KAZN: variants seen among roughly 807,000 people sequenced by gnomAD.
The protein encoded by KAZN is kazrin.
KAZN carries 40 observed loss-of-function variants against 87.4 expected under a neutral mutation model. That is an observed-to-expected ratio of 0.46 (90% CI 0.36 to 0.60). KAZN has a LOEUF of 0.60. Ranked by LOEUF, KAZN falls within the 20% of genes least tolerant of loss-of-function variation. The pLI is 0.00. For synonymous variants in KAZN, 466 were observed against 458.3 expected (o/e 1.02, Z -0.22); for missense variants, 898 against 1,073.9 (o/e 0.84, Z 2.29).
chr1:14,364,144 GC>G (rs1423380249), intron 2 of KAZN, among the ~76,000 whole-genome samples: 1 of 152,056 alleles, frequency 6.6e-6, no homozygotes, highest in Non-Finnish European at 1.5e-5. Context: ...TGGAGGTCAT[GC>G]CCCCGGCACT....
At chr1:14,123,078 A>T in intron 1 of KAZN, among the ~76,000 whole-genome samples, 1 of 152,222 alleles carries the variant, frequency 6.6e-6, no homozygotes, top group East Asian at 1.9e-4. Context: ...AGATCAAACC[A>T]GGTGTTGTCT....
At chr1:14,005,412 C>A (rs1455896675) in intron 1 of KAZN, among the ~76,000 whole-genome samples, 1 of 152,098 alleles carries the variant, frequency 6.6e-6, no homozygotes, top group Non-Finnish European at 1.5e-5. Context: ...CCTTGTATAA[C>A]CAGGTAGAAA....
chr1:14,695,144 C>T (rs1326372005), intron 1 of KAZN, among the ~76,000 whole-genome samples: 1 of 152,242 alleles, frequency 6.6e-6, no homozygotes, highest in Non-Finnish European at 1.5e-5. Context: ...GAACTTTCTA[C>T]TGCAATGATG....
intron 1 of KAZN, among the ~76,000 whole-genome samples, chr1:13,982,263 C>A (rs574144076): frequency 6.6e-6 from 1 of 152,266 alleles, no homozygotes; most frequent in South Asian, 2.1e-4. Flanking sequence ...TTGGTGGGTT[C>A]TTGGTCTCAC....
intron 2 of KAZN, among the ~76,000 whole-genome samples, chr1:14,350,177 A>G (rs892313357): frequency 1.3e-5 from 2 of 151,246 alleles, no homozygotes; most frequent in Non-Finnish European, 2.9e-5. Flanking sequence ...CCTTGGAAGA[A>G]CCCCCAGTCT....
At chr1:14,976,335 G>T (rs1665619659) in intron 2 of KAZN, among the ~76,000 whole-genome samples, 1 of 152,096 alleles carries the variant, frequency 6.6e-6, no homozygotes, top group African/African-American at 2.4e-5. Context: ...ATCAGGCCAG[G>T]CCTACTGTGG....
intron 2 of KAZN, among the ~76,000 whole-genome samples, chr1:14,262,973 G>A (rs1382557758): frequency 3.9e-5 from 6 of 152,156 alleles, no homozygotes; most frequent in South Asian, 2.1e-4. Flanking sequence ...CGTGTGATCC[G>A]TGGGTTTTAT....
intron 1 of KAZN, among the ~76,000 whole-genome samples, chr1:14,916,632 G>A (rs536438145): frequency 6.6e-6 from 1 of 152,286 alleles, no homozygotes; most frequent in Non-Finnish European, 1.5e-5. Flanking sequence ...CTAACTTGGG[G>A]CCCACTGTGG....
chr1:15,101,412 C>T (rs937143940), intron 10 of KAZN, 131 bp from the exon 11 acceptor site: 1 of 652,784 alleles, frequency 1.5e-6, no homozygotes, highest in South Asian at 1.8e-5. Context: ...ATGTCTGTCT[C>T]TGTGGCTCTC....
At chr1:14,875,492 A>G (rs953782603) in intron 1 of KAZN, among the ~76,000 whole-genome samples, 2 of 150,892 alleles carry the variant, frequency 1.3e-5, no homozygotes, top group African/African-American at 4.9e-5. Flanking sequence ...TAAAAAAAAA[A>G]AAAAAGAAAA....
rs1202792582 is a variant in KAZN at position 15,094,910 on chromosome 1, C to T, written c.1524C>T (p.Tyr508=). The change falls in exon 10 of 15, where the codon TAC becomes TAT. Residue 508 remains tyrosine, a synonymous_variant. Transcript: ENST00000376030. This position sits in a 1 kb window ranked among gnomAD's most constrained non-coding sequence, Gnocchi z 4.5. ...AGCTGCGCCTGGCCATCGAGGACTACCGTGATGCCGAGGCAGGCCGCAGGT... is the reference window on the plus strand; with the variant it reads ...AGCTGCGCCTGGCCATCGAGGACTATCGTGATGCCGAGGCAGGCCGCAGGT... ...RRKLRLAIED[Y]RDAEAGRSLS... 21 of 1,550,106 alleles carry T rather than the reference C, an allele frequency of 1.4e-5. No homozygotes were observed. Among genetic ancestry groups the T allele is most frequent in the East Asian group, 7.3e-5 (3 of 40,914 alleles).
intron 1 of KAZN, among the ~76,000 whole-genome samples, chr1:14,627,978 A>ACTCTCT (rs3087168): frequency 2.1e-5 from 3 of 143,740 alleles, no homozygotes; most frequent in African/African-American, 7.7e-5. Context: ...TGGATATGGA[A>ACTCTCT]CTCTCTCTCT....
intron 13 of KAZN, among the ~76,000 whole-genome samples, chr1:15,108,412 C>T (rs763573367): frequency 6.6e-6 from 1 of 152,198 alleles, no homozygotes; most frequent in Non-Finnish European, 1.5e-5. Flanking sequence ...GGCTCCTCCG[C>T]CATCATCGTG....
chr1:14,595,692 A>AAG (rs1676459052), upstream of KAZN, among the ~76,000 whole-genome samples: 1 of 151,070 alleles, frequency 6.6e-6, no homozygotes, highest in African/African-American at 2.5e-5. Flanking sequence ...AAAAAAAAAA[A>AAG]AAAAAAGAAA....
Position 14,769,908 on chromosome 1 carries a change from G to A in KAZN, c.226+170685G>A, listed in dbSNP as rs1483039192. Among the ~76,000 whole-genome samples, 1 of 152,218 alleles carries A rather than the reference G, an allele frequency of 6.6e-6. No homozygotes were observed. The highest frequency in any genetic ancestry group is 2.4e-5 in the African/African-American group (1 of 41,460). On this transcript the variant is annotated intron_variant, in intron 1 of 14. Coordinates refer to ENST00000376030, the MANE Select transcript of KAZN (RefSeq NM_201628.3). This position sits in a 1 kb window ranked among gnomAD's most constrained non-coding sequence, Gnocchi z 4.1. ...GCTATAGGATCCTAAGTGTAGGAGT[G>A]TAACTCAGCTCAGAGATCAGGGATG...
At chr1:13,925,523 A>G (rs1315894297) in intron 1 of KAZN, among the ~76,000 whole-genome samples, 5 of 151,670 alleles carry the variant, frequency 3.3e-5, no homozygotes, top group African/African-American at 1.2e-4. Flanking sequence ...TGGGAGGTCT[A>G]AAGACCCTGC....
chr1:14,495,494 T>G lies in KAZN; in HGVS notation c.250-103489T>G, dbSNP rs116677151. ...CCCCCAGGCAAAGAGAAGAAATTCA[T>G]GCTCCTTTCCTTTCTGGTAGATGAG... On this transcript the variant is annotated intron_variant, in intron 2 of 16. Transcript: ENST00000636203. Among the ~76,000 whole-genome samples, 878 of 152,298 alleles carry G rather than the reference T, an allele frequency of 5.8e-3. 12 individuals are homozygous for G. The highest frequency in any genetic ancestry group is 0.019 in the African/African-American group (789 of 41,560).
intron 2 of KAZN, among the ~76,000 whole-genome samples, chr1:14,359,246 C>A (rs1401958514): frequency 6.6e-6 from 1 of 150,860 alleles, no homozygotes; most frequent in African/African-American, 2.4e-5. Flanking sequence ...ACAAGCCCTG[C>A]TTTTTTTTTC....
intron 1 of KAZN, among the ~76,000 whole-genome samples, chr1:14,643,716 C>T (rs1260431655): frequency 6.6e-6 from 1 of 152,130 alleles, no homozygotes; most frequent in East Asian, 1.9e-4. Context: ...AGTAGTTCTA[C>T]TTTTAGCTCT....
Sources: allele counts gnomAD v4.1 joint callset (sites outside exome capture counted in the v4.1 genomes callset), GRCh38; gene constraint gnomAD v4.1.1; non-coding constraint Gnocchi (gnomAD v3.1); transcripts MANE v1.5; gene names NCBI Gene and HGNC (gene_info 2026-07-23, HGNC 2026-07-21).